Variants in KLHL1 observed in about 807,000 individuals in gnomAD.
The protein encoded by KLHL1 is kelch-like protein 1.
A neutral mutation model predicts 77.7 loss-of-function variants in KLHL1; 47 were observed. The ratio of observed to expected loss-of-function variants is 0.60; its 90% CI spans 0.48 to 0.77. The LOEUF (loss-of-function observed/expected upper bound fraction) is 0.77, where lower values mean the gene tolerates loss of function less well. KLHL1 is among the 30% of genes least tolerant of loss of function. The pLI is 0.00. For synonymous variants in KLHL1, 360 were observed against 325.2 expected (o/e 1.11, Z -1.15); for missense variants, 925 against 910.8 (o/e 1.02, Z -0.20).
intron 7 of KLHL1, among the ~76,000 whole-genome samples, chr13:69,778,574 G>C (rs1242787610): frequency 2.0e-5 from 3 of 152,104 alleles, no homozygotes; most frequent in Non-Finnish European, 4.4e-5. Flanking sequence ...ATGGATTTCA[G>C]AGAAATCATG....
intron 5 of KLHL1, among the ~76,000 whole-genome samples, chr13:69,848,966 G>C (rs1395765346): frequency 6.6e-6 from 1 of 151,496 alleles, no homozygotes. Flanking sequence ...TGGGTTTACT[G>C]TTCCATATTT....
intron 8 of KLHL1, among the ~76,000 whole-genome samples, chr13:69,723,106 T>G (rs539663375): frequency 6.6e-6 from 1 of 152,060 alleles, no homozygotes; most frequent in Non-Finnish European, 1.5e-5. Context: ...CTCACTCACA[T>G]GTATACTCTA....
chr13:69,903,956 A>AT (rs1188049670), intron 4 of KLHL1, among the ~76,000 whole-genome samples: 2 of 150,288 alleles, frequency 1.3e-5, no homozygotes, highest in Non-Finnish European at 1.5e-5. Flanking sequence ...TACTTGATAT[A>AT]TTTTTTTTTA....
intron 4 of KLHL1, chr13:69,894,011 C>G (rs1881536824): frequency 6.6e-6 from 1 of 152,538 alleles, no homozygotes; most frequent in African/African-American, 2.4e-5. Flanking sequence ...CTGGGCAACT[C>G]CCCCAGCCTC....
intron 1 of KLHL1, among the ~76,000 whole-genome samples, chr13:70,098,751 A>AT (rs993334420): frequency 1.3e-5 from 2 of 151,712 alleles, no homozygotes; most frequent in African/African-American, 4.8e-5. Flanking sequence ...TTCACAGAGC[A>AT]TTTTTTACTA....
chr13:69,975,870 A>G (rs1884531923), intron 1 of KLHL1, 68 bp from the exon 2 acceptor site: 4 of 1,447,740 alleles, frequency 2.8e-6, no homozygotes, highest in Admixed American at 5.7e-5. Flanking sequence ...CCAATTATCT[A>G]GAATAACATA....
chr13:69,768,367 G>T (rs1213632444), intron 7 of KLHL1, among the ~76,000 whole-genome samples: 1 of 152,014 alleles, frequency 6.6e-6, no homozygotes, highest in Non-Finnish European at 1.5e-5. Flanking sequence ...GCTGTGATTT[G>T]GACCTAGTGG....
chr13:70,011,130 C>G (rs898380254), intron 1 of KLHL1, among the ~76,000 whole-genome samples: 1 of 151,836 alleles, frequency 6.6e-6, no homozygotes, highest in Admixed American at 6.6e-5. Flanking sequence ...GTAAAATGTC[C>G]AAGAACAAAG....
At chr13:69,703,303 T>C (rs1040368565) in intron 10 of KLHL1, among the ~76,000 whole-genome samples, 1 of 151,616 alleles carries the variant, frequency 6.6e-6, no homozygotes, top group Non-Finnish European at 1.5e-5. Context: ...AAACCTGTTG[T>C]ACCGCTTTTT....
intron 5 of KLHL1, among the ~76,000 whole-genome samples, chr13:69,869,889 G>T (rs952993663): frequency 1.3e-5 from 2 of 152,128 alleles, no homozygotes; most frequent in Non-Finnish European, 2.9e-5. Context: ...TTCAAAAGTT[G>T]TGAGTAATGA....
intron 10 of KLHL1, among the ~76,000 whole-genome samples, chr13:69,703,348 A>G (rs1324999043): frequency 6.6e-6 from 1 of 151,670 alleles, no homozygotes; most frequent in Non-Finnish European, 1.5e-5. Flanking sequence ...ATAAGGATAT[A>G]AAGAAAAAAA....
At chr13:69,876,888 T>C (rs555038724) in intron 5 of KLHL1, among the ~76,000 whole-genome samples, 4 of 152,122 alleles carry the variant, frequency 2.6e-5, no homozygotes, top group Non-Finnish European at 1.5e-5. Context: ...AAATACAAAA[T>C]TAGCCGTGCG....
At chr13:69,950,336 C>T (rs61289215) in intron 3 of KLHL1, among the ~76,000 whole-genome samples, 19,408 of 148,686 alleles carry the variant, frequency 0.13, 1,932 homozygotes, top group East Asian at 0.29. Flanking sequence ...TTGAAGAGAA[C>T]AAGGAATTGT....
intron 7 of KLHL1, among the ~76,000 whole-genome samples, chr13:69,754,250 C>A (rs1328598715): frequency 6.6e-6 from 1 of 152,074 alleles, no homozygotes; most frequent in African/African-American, 2.4e-5. Flanking sequence ...AGCCAACTCT[C>A]TGAGAGTTGT....
chr13:70,044,231 C>T (rs930275848), intron 1 of KLHL1, among the ~76,000 whole-genome samples: 17 of 152,160 alleles, frequency 1.1e-4, no homozygotes, highest in Non-Finnish European at 4.4e-5. Context: ...CTCCCACGTA[C>T]ATGCACTTCA....
intron 1 of KLHL1, among the ~76,000 whole-genome samples, chr13:70,039,151 T>C (rs1475696819): frequency 6.6e-6 from 1 of 151,374 alleles, no homozygotes; most frequent in Admixed American, 6.6e-5. Flanking sequence ...CACTGTAAAC[T>C]TGAATTCCTA....
In KLHL1 at chr13:70,079,682, T is replaced by C. The variant is rs79771363; in HGVS notation, c.497+27521A>G. Among the ~76,000 whole-genome samples, 1,065 of 152,278 alleles carry C rather than the reference T, an allele frequency of 7.0e-3. 25 individuals are homozygous for C. Among genetic ancestry groups the C allele is most frequent in the East Asian group, 0.051 (263 of 5,166 alleles). On this transcript the variant is annotated intron_variant, in intron 1 of 10. Coordinates refer to ENST00000377844, the MANE Select transcript of KLHL1 (RefSeq NM_020866.3). ...ATATTCTGGATGCTGTTATCAGTGC[T>C]TTAAGCATATTAATTCATTTAGTCT... is the stretch of plus-strand genomic sequence containing the variant.
chr13:69,719,201 T>C (rs972632226), intron 9 of KLHL1, among the ~76,000 whole-genome samples, 168 bp downstream of exon 9: 5 of 21,546 alleles, frequency 2.3e-4, no homozygotes, highest in Admixed American at 1.2e-3. Flanking sequence ...TGTGTGTGTG[T>C]GTGTGTGTGA....
chr13:70,082,590 C>T (rs1757442143), intron 1 of KLHL1, among the ~76,000 whole-genome samples: 1 of 151,996 alleles, frequency 6.6e-6, no homozygotes, highest in African/African-American at 2.4e-5. Flanking sequence ...CATTTTATAG[C>T]CAGTTAAACT....
Sources: gnomAD v4.1 joint callset for allele counts (sites outside exome capture counted in the v4.1 genomes callset) on GRCh38, gnomAD v4.1.1 for gene constraint, MANE v1.5 for transcripts, NCBI Gene and HGNC (gene_info 2026-07-23, HGNC 2026-07-21) for gene names.